The following MMP16 variants were observed in gnomAD, a reference collection of about 807,000 sequenced individuals.
The protein encoded by MMP16 is matrix metalloproteinase-16.
A neutral mutation model predicts 67.8 loss-of-function variants in MMP16; 12 were observed. The ratio of observed to expected loss-of-function variants is 0.18; its 90% CI spans 0.11 to 0.29. The LOEUF (loss-of-function observed/expected upper bound fraction) is 0.29. Ranked by LOEUF, MMP16 falls within the 10% of genes least tolerant of loss-of-function variation. The probability of loss-of-function intolerance (pLI) is 1.00; values close to 1 mark genes in which losing one functional copy is unlikely to be tolerated. For missense variants in MMP16, 475 were observed against 765.7 expected (o/e 0.62, Z 4.48); for synonymous variants, 249 against 255.9 (o/e 0.97, Z 0.26).
At chr8:88,314,945 G>A (rs1011938303) in intron 1 of MMP16, among the ~76,000 whole-genome samples, 3 of 152,114 alleles carry the variant, frequency 2.0e-5, no homozygotes, top group African/African-American at 7.2e-5. Context: ...AGCTCAACCT[G>A]AGTTCCACCT....
In MMP16 at chr8:88,124,898, G is replaced by C. The variant is rs116819385; in HGVS notation, c.710-6037C>G. On this transcript the variant is annotated intron_variant, in intron 4 of 9. Transcript: ENST00000286614. ...TCTGTGCATACTCACTTCGTAAACA[G>C]AGAGAAAAAGGAAGCTTGCTGGTGT... Among the ~76,000 whole-genome samples the C allele has an allele frequency of 8.8e-3, 1,335 of 151,950 alleles. 25 individuals carry two copies. The highest frequency in any genetic ancestry group is 0.03 in the African/African-American group (1,255 of 41,464).
At chr8:88,310,109 C>T (rs1040247694) in intron 1 of MMP16, among the ~76,000 whole-genome samples, 1 of 152,060 alleles carries the variant, frequency 6.6e-6, no homozygotes, top group Non-Finnish European at 1.5e-5. Flanking sequence ...ATAACTACAA[C>T]TGAAGTCACT....
chr8:88,184,679 A>C (rs1809041121), intron 3 of MMP16, among the ~76,000 whole-genome samples: 1 of 134,106 alleles, frequency 7.5e-6, no homozygotes, highest in Non-Finnish European at 1.6e-5. Context: ...CCTGGGAGGC[A>C]GAGTTTGTAG....
At chr8:88,141,764 T>C (rs1256379832) in intron 4 of MMP16, among the ~76,000 whole-genome samples, 1 of 152,176 alleles carries the variant, frequency 6.6e-6, no homozygotes. Context: ...TACATATTAC[T>C]GGTAGGAGTA....
rs2118436071 is a variant in MMP16, at chr8:88,118,824, T to C, written c.747A>G (p.Gly249=). 2 of 1,613,324 alleles carry C rather than the reference T, an allele frequency of 1.2e-6. No homozygotes were observed. Among genetic ancestry groups the C allele is most frequent in the Non-Finnish European group, 1.7e-6 (2 of 1,179,574 alleles). ...TGGAATGCTCCAATCCCAGAGCATG[T>C]CCCAGTTCATGGACTGCTACAAGAA... The part of the protein sequence containing the change: ...DLFLVAVHEL[G]HALGLEHSND... The change falls in exon 5 of 10, where the codon GGA becomes GGG. Residue 249 remains glycine (G), a synonymous_variant. Coordinates refer to ENST00000286614, the MANE Select transcript of MMP16 (RefSeq NM_005941.5).
chr8:88,281,410 G>A (rs1304608864), intron 1 of MMP16, among the ~76,000 whole-genome samples: 2 of 152,152 alleles, frequency 1.3e-5, no homozygotes, highest in Non-Finnish European at 1.5e-5. Flanking sequence ...CAGTGGAAGG[G>A]TCAGAGGAAG....
chr8:88,152,045 C>G (rs1378736735), intron 4 of MMP16, among the ~76,000 whole-genome samples: 2 of 49,850 alleles, frequency 4.0e-5, no homozygotes, highest in African/African-American at 2.3e-4. Flanking sequence ...ACCACTGATC[C>G]CACAGAAATA....
intron 1 of MMP16, among the ~76,000 whole-genome samples, chr8:88,236,742 T>C (rs1168668648): frequency 7.1e-6 from 1 of 141,310 alleles, no homozygotes; most frequent in Non-Finnish European, 1.5e-5. Flanking sequence ...AGCGAGACTC[T>C]GAAAAATAAC....
intron 6 of MMP16, among the ~76,000 whole-genome samples, chr8:88,106,233 T>G (rs555988181): frequency 6.6e-6 from 1 of 151,168 alleles, no homozygotes; most frequent in Non-Finnish European, 1.5e-5. Context: ...TGTATCTGGG[T>G]ATACATAGGA....
chr8:88,287,846 C>T (rs1393664438), intron 1 of MMP16, among the ~76,000 whole-genome samples: 1 of 152,124 alleles, frequency 6.6e-6, no homozygotes, highest in African/African-American at 2.4e-5. Context: ...AAGACAGATA[C>T]CAGCATTAGC....
intron 4 of MMP16, 85 bp downstream of exon 4, chr8:88,167,584 C>T (rs182637540): frequency 3.0e-6 from 4 of 1,327,388 alleles, no homozygotes; most frequent in Non-Finnish European, 4.1e-6. Flanking sequence ...AGGATCTATA[C>T]CTTAAGTTTG....
intron 3 of MMP16, among the ~76,000 whole-genome samples, chr8:88,178,770 G>A (rs774343514): frequency 4.0e-5 from 6 of 151,886 alleles, no homozygotes; most frequent in Non-Finnish European, 7.4e-5. Flanking sequence ...CAGTATAACC[G>A]CATGTAAATT....
At position 88,265,223 on chromosome 8, in the gene MMP16, C is replaced by CTTTTTTTTTTTTTTTTTTTTTTTTT. The variant is rs398008661; in HGVS notation, c.132+61851_132+61852insAAAAAAAAAAAAAAAAAAAAAAAAA. Among the ~76,000 whole-genome samples, 16 of 100,758 alleles carry CTTTTTTTTTTTTTTTTTTTTTTTTT rather than the reference C, an allele frequency of 1.6e-4. 2 individuals carry two copies. Among genetic ancestry groups the CTTTTTTTTTTTTTTTTTTTTTTTTT allele is most frequent in the Non-Finnish European group, 1.8e-4 (10 of 54,126 alleles). The allele number at this position is 100,758 out of a possible 152,430, so 66.1% of individuals were successfully genotyped here. On this transcript the variant is annotated intron_variant, in intron 1 of 9. Transcript: ENST00000286614. ...AACTAAGGGTAGAAATGACCATTTC[C>CTTTTTTTTTTTTTTTTTTTTTTTTT]TTTTTTTTTTTTTTTTTTTTCAGAT...
At chr8:88,247,667 C>A (rs957992703) in intron 1 of MMP16, among the ~76,000 whole-genome samples, 5 of 152,034 alleles carry the variant, frequency 3.3e-5, no homozygotes, top group African/African-American at 1.2e-4. Context: ...AACCCTGGAA[C>A]AATTTTAGGT....
chr8:88,088,073 TCTATATATCTATATATAATAGATATCTG>T (rs1356678083), intron 6 of MMP16, among the ~76,000 whole-genome samples: 1 of 99,136 alleles, frequency 1.0e-5, no homozygotes, highest in East Asian at 7.0e-4. Flanking sequence ...ATAATAGATA[TCTATATATCTATATATAATAGATATCTG>T]CTGACTGTAA....
chr8:88,325,475 C>T (rs4515601), intron 1 of MMP16, among the ~76,000 whole-genome samples: 60,924 of 151,926 alleles, frequency 0.4, 13,541 homozygotes, highest in African/African-American at 0.6. Flanking sequence ...TCACCACCAA[C>T]CTGAAGCAAT....
At chr8:88,228,383 T>A (rs1464566028) in intron 1 of MMP16, among the ~76,000 whole-genome samples, 1 of 152,108 alleles carries the variant, frequency 6.6e-6, no homozygotes, top group Non-Finnish European at 1.5e-5. Context: ...TCACTGATAC[T>A]TTTTGAATAG....
At chr8:88,094,659 G>C (rs1808995899) in intron 6 of MMP16, among the ~76,000 whole-genome samples, 1 of 151,580 alleles carries the variant, frequency 6.6e-6, no homozygotes, top group Non-Finnish European at 1.5e-5. Context: ...GGAAATTCAA[G>C]AGGCAGATAC....
At chr8:88,257,319 G>A (rs1480026373) in intron 1 of MMP16, among the ~76,000 whole-genome samples, 3 of 152,224 alleles carry the variant, frequency 2.0e-5, no homozygotes, top group African/African-American at 4.8e-5. Context: ...TTTAGAACCT[G>A]TACAAGGTAG....
Sources: gnomAD v4.1 joint callset for allele counts (sites outside exome capture counted in the v4.1 genomes callset) on GRCh38, gnomAD v4.1.1 for gene constraint, MANE v1.5 for transcripts, NCBI Gene and HGNC (gene_info 2026-07-23, HGNC 2026-07-21) for gene names.